OSBPL7: variants seen among roughly 807,000 people sequenced by gnomAD.
OSBPL7 encodes oxysterol binding protein like 7, also known as oxysterol-binding protein-related protein 7.
In OSBPL7, 66 loss-of-function variants were observed where a neutral mutation model predicts 115.8. The ratio of observed to expected loss-of-function variants is 0.57; its 90% CI spans 0.47 to 0.70. The LOEUF (loss-of-function observed/expected upper bound fraction) is 0.70, where lower values mean the gene tolerates loss of function less well. OSBPL7 is among the 30% of genes least tolerant of loss of function. OSBPL7 has a pLI of 0.00. For synonymous variants in OSBPL7, 441 were observed against 439.2 expected, an observed-to-expected ratio of 1.00 and a Z score of -0.05; for missense variants, 902 against 1,125.5, an observed-to-expected ratio of 0.80 and a Z score of 2.84.
chr17:47,819,912 G>A, intron 3 of OSBPL7, 59 bp downstream of exon 3: 1 of 1,485,444 alleles, frequency 6.7e-7, no homozygotes, highest in Non-Finnish European at 9.3e-7. Context: ...CCCAGCAGCT[G>A]CCCCCCATTC....
rs966146144 is a variant in OSBPL7, at chr17:47,815,314, G to T, written c.1158C>A (p.Pro386=). The T allele has an allele frequency of 1.2e-6, 2 of 1,613,956 alleles. No individual in the cohort carries two copies. The highest frequency in any genetic ancestry group is 1.3e-5 in the African/African-American group (1 of 75,052). The change falls in exon 13 of 23, where the codon CCC becomes CCA. Residue 386 remains proline (P), a synonymous_variant. Transcript: ENST00000007414. ...ALYMKGRELT[P]QLSQTSILSL... Reference sequence around the variant, plus strand: ...ACAGGATGCTGGTCTGCGATAGCTGGGGGGTGAGCTCGCGCCCCTTCATGT... The same window carrying T: ...ACAGGATGCTGGTCTGCGATAGCTGTGGGGTGAGCTCGCGCCCCTTCATGT...
chr17:47,809,147 C>T lies in OSBPL7; in HGVS notation c.2099G>A (p.Arg700Gln), dbSNP rs774829427. Residue 700 changes from arginine to glutamine, a missense_variant, in exon 20 of 23, where the codon CGA (arginine) becomes CAA (glutamine). Physicochemically the swap from Arg to Gln is conservative, Grantham distance 43. Around this residue, in one of 3 missense-constraint regions of OSBPL7, gnomAD observed 230 missense variants for 312.7 expected, o/e 0.74. Coordinates refer to ENST00000007414, the MANE Select transcript of OSBPL7 (RefSeq NM_145798.3). ...VLSRSGRVLH[R>Q]LFGKWHEGLY... is the part of the protein sequence containing the mutation. Reference sequence around the variant, plus strand: ...CCCCTCGTGCCACTTCCCAAAGAGTCGGTGGAGGACACGGCCACTCCGACT... The same window carrying T: ...CCCCTCGTGCCACTTCCCAAAGAGTTGGTGGAGGACACGGCCACTCCGACT... 5 of 1,614,030 alleles carry T rather than the reference C, an allele frequency of 3.1e-6. No individual in the cohort carries two copies. The South Asian group carries it at 3.3e-5, about 11-fold the overall frequency.
At chr17:47,818,749 G>A (rs138025855) in intron 5 of OSBPL7, 133 bp from the exon 6 acceptor site, 22 of 876,720 alleles carry the variant, frequency 2.5e-5, no homozygotes, top group African/African-American at 1.9e-4. Context: ...AGGCTCACTT[G>A]CAGGGAGACA....
rs776673710 is a variant in OSBPL7, at chr17:47,820,308, G to A, written c.-30C>T. ...AAGGGAGAGGCCACTCCCTGCTGGG[G>A]ATGTAGAGCAGGGAGCAGGGTGGAA... is the stretch of plus-strand genomic sequence containing the variant. On this transcript the variant is annotated 5_prime_UTR_variant, in exon 2 of 23. Coordinates refer to ENST00000007414, the MANE Select transcript of OSBPL7 (RefSeq NM_145798.3). 8 of 1,605,058 alleles carry A rather than the reference G, an allele frequency of 5.0e-6. No individual in the cohort carries two copies. Among genetic ancestry groups the A allele is most frequent in the South Asian group, 3.3e-5 (3 of 90,098 alleles).
At chr17:47,813,903 C>T in intron 14 of OSBPL7, 69 bp from the exon 15 acceptor site, 1 of 1,518,822 alleles carries the variant, frequency 6.6e-7, no homozygotes, top group Non-Finnish European at 8.8e-7. Context: ...AGCCCACAGC[C>T]CAGTCCAGGG....
In OSBPL7 at chr17:47,816,436, C is replaced by G. The variant is rs1379703505; in HGVS notation, c.975G>C (p.Arg325=). The G allele has an allele frequency of 1.3e-6, 2 of 1,544,864 alleles. No individual in the cohort carries two copies. Among genetic ancestry groups the G allele is most frequent in the African/African-American group, 2.7e-5 (2 of 73,422 alleles). ...CCTGGTGCATGTCCCTCAGTTGGTCCCGTTCCATGGTGAGGGCGGCCAGGA... is the reference window on the plus strand; with the variant it reads ...CCTGGTGCATGTCCCTCAGTTGGTCGCGTTCCATGGTGAGGGCGGCCAGGA... ...SSVLAALTME[R]DQLRDMHQGS... is the part of the protein sequence containing the mutation. Residue 325 remains arginine, a synonymous_variant, in exon 11 of 23, where the codon CGG becomes CGC. Coordinates refer to ENST00000007414, the MANE Select transcript of OSBPL7 (RefSeq NM_145798.3). This position sits in a 1 kb window ranked among gnomAD's most constrained non-coding sequence, Gnocchi z 5.8.
intron 4 of OSBPL7, 77 bp from the exon 5 acceptor site, chr17:47,819,176 T>G (rs1322358701): frequency 7.9e-7 from 1 of 1,263,068 alleles, no homozygotes; most frequent in Non-Finnish European, 1.2e-6. Flanking sequence ...ATCTCCCTGA[T>G]GCCATTCTAG....
Position 47,816,410 on chromosome 17 carries a change from C to G in OSBPL7, c.1001G>C (p.Gly334Ala). Residue 334 changes from glycine to alanine, a missense_variant, in exon 11 of 23, where the codon GGC becomes GCC. This residue lies in a region of OSBPL7 where 667 missense variants were observed against 788.7 expected (regional missense o/e 0.85). Coordinates refer to ENST00000007414, the MANE Select transcript of OSBPL7 (RefSeq NM_145798.3). The surrounding 1 kb of genome is among the most constrained non-coding windows in gnomAD (Gnocchi z 5.8). ...CACCCCCATTCTTGACAACTCTGAG[C>G]CCTGGTGCATGTCCCTCAGTTGGTC... ...ERDQLRDMHQ[G>A]SELSRMGVSE... The G allele has an allele frequency of 6.5e-7, 1 of 1,531,846 alleles. No individual in the cohort carries two copies. Among genetic ancestry groups the G allele is most frequent in the Non-Finnish European group, 8.8e-7 (1 of 1,137,212 alleles). The allele number at this position is 1,531,846 out of a possible 1,614,324, so 94.9% of individuals were successfully genotyped here. A position where few individuals can be genotyped will look rare whatever the true frequency, so the allele number is the denominator to read the frequency against.
rs547338298 is a variant in OSBPL7 at position 47,819,803 on chromosome 17, G to C, written c.202-21C>G. The C allele has an allele frequency of 4.3e-6, 7 of 1,614,116 alleles. No individual in the cohort carries two copies. In the South Asian group the frequency reaches 5.5e-5, roughly 13 times the overall value. ...TATCTCTGTGATGTTGCCCAGGAGT[G>C]ACAGGACCCGGGAGGCCGAGAGGAA... On this transcript the variant is annotated intron_variant, in intron 3 of 22. Transcript: ENST00000007414.
Position 47,808,250 on chromosome 17 carries a change from G to A in OSBPL7, c.*41C>T. On this transcript the variant is annotated 3_prime_UTR_variant, in exon 23 of 23. Coordinates refer to ENST00000007414, the MANE Select transcript of OSBPL7 (RefSeq NM_145798.3). The surrounding 1 kb of genome is among the most constrained non-coding windows in gnomAD (Gnocchi z 6.1). ...TGTCCATGGTAGGGGGTGGAGGCAG[G>A]AGGAGTGAGGAACCAGAGCCTCCTG... 1.4e-6 allele frequency: 2 copies of A among 1,461,874 alleles called. No homozygotes were observed. Among genetic ancestry groups the A allele is most frequent in the Non-Finnish European group, 1.9e-6 (2 of 1,046,640 alleles). 90.6% of individuals were successfully genotyped at this position (1,461,874 alleles called of 1,614,324 possible). A position where few individuals can be genotyped will look rare whatever the true frequency, so the allele number is the denominator to read the frequency against.
chr17:47,816,538 C>T lies in OSBPL7; in HGVS notation c.928+25G>A, dbSNP rs200199739. On this transcript the variant is annotated intron_variant, in intron 10 of 22. Transcript: ENST00000007414. This position sits in a 1 kb window ranked among gnomAD's most constrained non-coding sequence, Gnocchi z 5.8. ...CTCGCTCGCTCCTGTCCGCTCCCCA[C>T]CAGCCCCTCCCAGCAGGCACTTACC... 1,957 of 1,597,182 alleles carry T rather than the reference C, an allele frequency of 1.2e-3. 13 individuals are homozygous for T. Among genetic ancestry groups the T allele is most frequent in the African/African-American group, 0.012 (895 of 74,574 alleles).
chr17:47,812,526 A>G (rs1413668326), intron 16 of OSBPL7, among the ~76,000 whole-genome samples: 1 of 152,124 alleles, frequency 6.6e-6, no homozygotes, highest in African/African-American at 2.4e-5. Context: ...AACTGGCACC[A>G]CCATGCACCC....
chr17:47,814,037 G>A (rs1342567118), intron 14 of OSBPL7, among the ~76,000 whole-genome samples: 2 of 152,218 alleles, frequency 1.3e-5, no homozygotes, highest in East Asian at 1.9e-4. Flanking sequence ...GCTGGCAGGG[G>A]TGGGAGCCAT....
chr17:47,814,835 C>T (rs944553006), intron 13 of OSBPL7: 12 of 572,930 alleles, frequency 2.1e-5, no homozygotes, highest in South Asian at 2.2e-5. Context: ...CTGTGGCTGG[C>T]GGGAAAAAGC....
rs764773850 is a variant in OSBPL7, at chr17:47,808,302, C to T, written c.2518G>A (p.Val840Met). ...EPGYGNMDGA[V>M]LW Reference sequence around the variant, plus strand: ...CCCCGGGGCCAGGGCTACCAGAGCACGGCCCCATCCATGTTCCCATAGCCT... The same window carrying T: ...CCCCGGGGCCAGGGCTACCAGAGCATGGCCCCATCCATGTTCCCATAGCCT... The change falls in exon 23 of 23, where the codon GTG becomes ATG. Residue 840 changes from valine (V) to methionine (M), a missense_variant. Physicochemically the swap from Val to Met is conservative, Grantham distance 21 (BLOSUM62 1). Coordinates refer to ENST00000007414, the MANE Select transcript of OSBPL7 (RefSeq NM_145798.3). This position sits in a 1 kb window ranked among gnomAD's most constrained non-coding sequence, Gnocchi z 6.1. 9.9e-6 allele frequency: 16 copies of T among 1,612,128 alleles called. No homozygotes were observed. The highest frequency in any genetic ancestry group is 2.2e-5 in the East Asian group (1 of 44,870).
chr17:47,813,856 A>G (rs762749405), intron 14 of OSBPL7, 22 bp from the exon 15 acceptor site: 1 of 1,590,774 alleles, frequency 6.3e-7, no homozygotes, highest in African/African-American at 1.3e-5. Context: ...CTGCCATGTC[A>G]CTCTCCATCT....
intron 18 of OSBPL7, 107 bp from the exon 19 acceptor site, chr17:47,809,585 C>T (rs2032971986): frequency 1.5e-6 from 2 of 1,312,446 alleles, no homozygotes; most frequent in African/African-American, 1.5e-5. Flanking sequence ...TGACAGGAAC[C>T]CTGGGGTCCC....
intron 18 of OSBPL7, 111 bp from the exon 19 acceptor site, chr17:47,809,589 G>A: frequency 3.2e-6 from 4 of 1,260,292 alleles, no homozygotes; most frequent in Non-Finnish European, 4.4e-6. Flanking sequence ...AGGAACCCTG[G>A]GGTCCCAACT....
chr17:47,811,454 C>T (rs1210774708), intron 16 of OSBPL7, among the ~76,000 whole-genome samples: 1 of 152,154 alleles, frequency 6.6e-6, no homozygotes, highest in Non-Finnish European at 1.5e-5. Context: ...TCAGCTAATA[C>T]CTTCAGCCAC....
Sources: allele counts gnomAD v4.1 joint callset (sites outside exome capture counted in the v4.1 genomes callset), GRCh38; gene constraint gnomAD v4.1.1; regional missense constraint gnomAD v4.1.1; non-coding constraint Gnocchi (gnomAD v3.1); transcripts MANE v1.5; gene names NCBI Gene and HGNC (gene_info 2026-07-23, HGNC 2026-07-21).